Variants in CNGA1 observed in about 807,000 individuals in gnomAD.
CNGA1 encodes the protein cyclic nucleotide gated channel subunit alpha 1, also known as cyclic nucleotide-gated channel alpha-1.
Under a neutral mutation model 69.7 loss-of-function variants are expected in CNGA1, and 53 were observed. That is an observed-to-expected ratio of 0.76 (90% CI 0.61 to 0.96). The LOEUF (loss-of-function observed/expected upper bound fraction) is 0.96. CNGA1 is among the 40% of genes least tolerant of loss of function. The pLI, the probability that CNGA1 is intolerant of heterozygous loss-of-function variation, is 0.00. For synonymous variants in CNGA1, 249 were observed against 283.5 expected (o/e 0.88, Z 1.22); for missense variants, 739 against 811.2 (o/e 0.91, Z 1.08).
intron 8 of CNGA1, 51 bp downstream of exon 8, chr4:47,943,129 TC>T: frequency 7.8e-7 from 1 of 1,286,454 alleles, no homozygotes; most frequent in Non-Finnish European, 1.1e-6. Context: ...CATCCCTGCA[TC>T]TAAAACCCAT....
intron 10 of CNGA1, among the ~76,000 whole-genome samples, chr4:47,938,527 G>A (rs1738833407): frequency 6.6e-6 from 1 of 151,982 alleles, no homozygotes; most frequent in East Asian, 1.9e-4. Context: ...TGAGTAGCTA[G>A]GACTACAGGC....
At chr4:47,991,288 G>A (rs1056455760) in intron 2 of CNGA1, among the ~76,000 whole-genome samples, 3 of 152,168 alleles carry the variant, frequency 2.0e-5, no homozygotes, top group African/African-American at 7.2e-5. Flanking sequence ...GTGTAGAAAT[G>A]TTCCCTCTTC....
intron 6 of CNGA1, among the ~76,000 whole-genome samples, chr4:47,949,081 G>A (rs1164320617): frequency 6.6e-6 from 1 of 152,174 alleles, no homozygotes; most frequent in African/African-American, 2.4e-5. Flanking sequence ...TAAACAAAAT[G>A]GATCTGGGCA....
rs1738658761 is a variant in CNGA1 at position 47,936,630 on chromosome 4, C to G, written c.1852G>C (p.Asp618His). The change falls in exon 11 of 11, where the codon GAT becomes CAT. Residue 618 changes from aspartate (D) to histidine (H), a missense_variant. Physicochemically the swap from Asp to His is moderately conservative, Grantham distance 81 (BLOSUM62 -1). Transcript: ENST00000514170. ...ATTCGAGTAACCTTCTCTTCAAGAT[C>G]TTTAGGATCACTGCCAGCATTTGCA... The part of the protein sequence containing the change: ...NIANAGSDPK[D>H]LEEKVTRMEG... 7 of 1,614,038 alleles carry G rather than the reference C, an allele frequency of 4.3e-6. No homozygotes were observed. The East Asian group carries it at 1.6e-4, about 36-fold the overall frequency.
intron 3 of CNGA1, among the ~76,000 whole-genome samples, chr4:47,957,350 C>G (rs562752020): frequency 1.3e-5 from 2 of 152,248 alleles, no homozygotes; most frequent in East Asian, 3.9e-4. Context: ...CATGGTGGCT[C>G]AAACCTGTAA....
At chr4:48,006,675 G>GAT (rs2109351995) in intron 2 of CNGA1, among the ~76,000 whole-genome samples, 1 of 152,186 alleles carries the variant, frequency 6.6e-6, no homozygotes, top group African/African-American at 2.4e-5. Context: ...AGGCTGGAGT[G>GAT]CAGTGGCATG....
At chr4:47,990,483 T>A (rs1742209059) in intron 2 of CNGA1, among the ~76,000 whole-genome samples, 1 of 152,116 alleles carries the variant, frequency 6.6e-6, no homozygotes, top group Admixed American at 6.6e-5. Context: ...TCGAACCCTG[T>A]TTCCTGTTAA....
intron 2 of CNGA1, among the ~76,000 whole-genome samples, chr4:47,990,768 G>A (rs1336507395): frequency 6.6e-6 from 1 of 152,066 alleles, no homozygotes; most frequent in African/African-American, 2.4e-5. Context: ...TTATTTCTCA[G>A]ACCAGCCAAC....
intron 3 of CNGA1, among the ~76,000 whole-genome samples, chr4:47,954,521 C>T (rs567871044): frequency 6.6e-6 from 1 of 152,198 alleles, no homozygotes; most frequent in East Asian, 1.9e-4. Context: ...CCCTGCCGCA[C>T]GTCCTGCAAG....
intron 3 of CNGA1, among the ~76,000 whole-genome samples, chr4:47,955,845 C>T (rs1332176886): frequency 2.0e-5 from 3 of 152,238 alleles, no homozygotes; most frequent in Non-Finnish European, 4.4e-5. Flanking sequence ...CACAGCAGTG[C>T]TTGCACATGA....
chr4:47,988,490 A>C (rs1742086918), intron 2 of CNGA1, among the ~76,000 whole-genome samples: 1 of 152,154 alleles, frequency 6.6e-6, no homozygotes, highest in Non-Finnish European at 1.5e-5. Context: ...AGCAACATTA[A>C]TAATGAGATA....
At chr4:47,955,173 C>CTTTT (rs377338639) in intron 3 of CNGA1, among the ~76,000 whole-genome samples, 8 of 98,206 alleles carry the variant, frequency 8.1e-5, no homozygotes, top group Admixed American at 2.4e-4. Flanking sequence ...TTTTTCTTTT[C>CTTTT]TTTTTTTTTT....
chr4:47,940,763 C>T lies in CNGA1; in HGVS notation c.652G>A (p.Gly218Ser), dbSNP rs1302809943. The T allele has an allele frequency of 6.4e-7, 1 of 1,561,092 alleles. No homozygotes were observed. Among genetic ancestry groups the T allele is most frequent in the Non-Finnish European group, 8.8e-7 (1 of 1,132,764 alleles). Reference protein sequence around the residue: ...LIDMFVRTRTGYLEQGLLVKE... With the variant: ...LIDMFVRTRTSYLEQGLLVKE... ...AATATTCAAAACTGAACATATTTAC[C>T]TGTCCTTGTTCGTACAAACATATCG... Residue 218 changes from glycine (G) to serine (S), a missense_variant and splice_region_variant, in exon 10 of 11, where the codon GGT becomes AGT. By Grantham distance (56) the Gly-to-Ser change is moderately conservative (BLOSUM62 0). Transcript: ENST00000514170.
chr4:48,006,321 T>G (rs180910454), intron 2 of CNGA1, among the ~76,000 whole-genome samples: 1 of 152,162 alleles, frequency 6.6e-6, no homozygotes, highest in African/African-American at 2.4e-5. Context: ...AGGGCAGCCA[T>G]AGTCAAAGAC....
At chr4:47,978,202 C>T (rs1437485395) in intron 3 of CNGA1, among the ~76,000 whole-genome samples, 2 of 151,966 alleles carry the variant, frequency 1.3e-5, no homozygotes, top group Non-Finnish European at 2.9e-5. Flanking sequence ...TTGCCAGTTG[C>T]CTTTAGAATA....
intron 1 of CNGA1, among the ~76,000 whole-genome samples, 159 bp downstream of exon 1, chr4:48,016,324 G>A (rs1023779173): frequency 6.6e-6 from 1 of 152,138 alleles, no homozygotes; most frequent in Non-Finnish European, 1.5e-5. Flanking sequence ...GGCAATCGGC[G>A]CAGAACCCCA....
intron 2 of CNGA1, among the ~76,000 whole-genome samples, chr4:48,009,576 G>C (rs1188095246): frequency 2.0e-5 from 3 of 151,994 alleles, no homozygotes; most frequent in African/African-American, 7.3e-5. Context: ...GGCCAAGGTG[G>C]GCAGATCACC....
chr4:48,013,962 C>G (rs1715272447), intron 1 of CNGA1, among the ~76,000 whole-genome samples: 1 of 152,194 alleles, frequency 6.6e-6, no homozygotes, highest in Non-Finnish European at 1.5e-5. Flanking sequence ...CCTCCCCAAG[C>G]TCGAAAGACC....
At chr4:47,992,654 TTTA>T (rs2078498725) in intron 2 of CNGA1, among the ~76,000 whole-genome samples, 2 of 130,190 alleles carry the variant, frequency 1.5e-5, no homozygotes, top group Non-Finnish European at 3.4e-5. Flanking sequence ...TTGGATGCCA[TTTA>T]TTATTTATTT....
Sources: gnomAD v4.1 joint callset for allele counts (sites outside exome capture counted in the v4.1 genomes callset) on GRCh38, gnomAD v4.1.1 for gene constraint, MANE v1.5 for transcripts, NCBI Gene and HGNC (gene_info 2026-07-23, HGNC 2026-07-21) for gene names.